Variants in AKAP6 observed in about 807,000 individuals in gnomAD.
AKAP6 encodes A-kinase anchor protein 6.
AKAP6 carries 58 observed loss-of-function variants against 188.5 expected under a neutral mutation model. That is an observed-to-expected ratio of 0.31 (90% CI 0.25 to 0.38). The LOEUF is 0.38. Ranked by LOEUF, AKAP6 falls within the 10% of genes least tolerant of loss-of-function variation. The pLI is 1.00. For missense variants in AKAP6, 2,710 were observed against 2,740.0 expected, an observed-to-expected ratio of 0.99 and a Z score of 0.24; for synonymous variants, 989 against 998.6, an observed-to-expected ratio of 0.99 and a Z score of 0.18.
At chr14:32,685,410 T>C (rs1449895686) in intron 8 of AKAP6, among the ~76,000 whole-genome samples, 2 of 152,044 alleles carry the variant, frequency 1.3e-5, no homozygotes, top group South Asian at 2.1e-4. Flanking sequence ...TCTTAAAGGA[T>C]GCATAGATTT....
chr14:32,747,622 G>A (rs776613365), intron 11 of AKAP6, among the ~76,000 whole-genome samples: 1 of 152,084 alleles, frequency 6.6e-6, no homozygotes, highest in Non-Finnish European at 1.5e-5. Context: ...TTAAATAATT[G>A]GATACAGTTC....
intron 11 of AKAP6, among the ~76,000 whole-genome samples, chr14:32,769,131 T>C (rs759054395): frequency 7.7e-6 from 1 of 130,064 alleles, no homozygotes; most frequent in Non-Finnish European, 1.6e-5. Context: ...CACTGCAACC[T>C]CCACCTCCTG....
intron 11 of AKAP6, among the ~76,000 whole-genome samples, chr14:32,751,920 T>C (rs1199514472): frequency 6.6e-6 from 1 of 152,226 alleles, no homozygotes; most frequent in Non-Finnish European, 1.5e-5. Context: ...TTTCAAGACA[T>C]GAATTGTTTT....
intron 2 of AKAP6, among the ~76,000 whole-genome samples, chr14:32,444,001 G>C (rs1890677063): frequency 6.6e-6 from 1 of 152,162 alleles, no homozygotes; most frequent in Non-Finnish European, 1.5e-5. Flanking sequence ...GCCAAGGCAT[G>C]ATGGGAGGTA....
intron 2 of AKAP6, among the ~76,000 whole-genome samples, chr14:32,446,910 AT>A (rs1566507520): frequency 6.6e-6 from 1 of 152,116 alleles, no homozygotes; most frequent in East Asian, 1.9e-4. Context: ...TCACACTTAA[AT>A]TATTTGTTTG....
At chr14:32,617,488 A>G (rs1415829963) in intron 7 of AKAP6, among the ~76,000 whole-genome samples, 1 of 152,058 alleles carries the variant, frequency 6.6e-6, no homozygotes, top group Admixed American at 6.5e-5. Flanking sequence ...GTGGGGAACC[A>G]TTTCCTGTTC....
chr14:32,510,421 T>TGTATATATATACAC (rs1881152631), intron 2 of AKAP6, among the ~76,000 whole-genome samples: 1 of 98,566 alleles, frequency 1.0e-5, no homozygotes, highest in Non-Finnish European at 2.1e-5. Flanking sequence ...TATGTATATA[T>TGTATATATATACAC]ATACATATAT....
intron 11 of AKAP6, among the ~76,000 whole-genome samples, 185 bp downstream of exon 11, chr14:32,736,067 G>C (rs1465585361): frequency 1.3e-5 from 2 of 152,098 alleles, no homozygotes; most frequent in Non-Finnish European, 2.9e-5. Context: ...TGAACATTAA[G>C]CATATCACAT....
intron 3 of AKAP6, among the ~76,000 whole-genome samples, chr14:32,538,253 T>C (rs1882773682): frequency 6.6e-6 from 1 of 152,158 alleles, no homozygotes; most frequent in Non-Finnish European, 1.5e-5. Context: ...AGGAAGATAA[T>C]TAGGATAAAA....
At chr14:32,483,679 T>A (rs1032290454) in intron 2 of AKAP6, among the ~76,000 whole-genome samples, 2 of 152,024 alleles carry the variant, frequency 1.3e-5, no homozygotes, top group African/African-American at 2.4e-5. Context: ...AGACGGGGTT[T>A]CTCCATGTTG....
Position 32,836,357 on chromosome 14 carries a change from T to C in AKAP6, c.*6552T>C, listed in dbSNP as rs114427970. On this transcript the variant is annotated 3_prime_UTR_variant, in exon 14 of 14. Coordinates refer to ENST00000280979, the MANE Select transcript of AKAP6 (RefSeq NM_004274.5). ...TGGAAGGGGCAGTGAACAAGCTCCC[T>C]TGGGCCCCTTTTACGAAAGCACTAA... 3.3e-3 allele frequency: 504 copies of C among 152,288 alleles called. 3 individuals are homozygous for C. Among genetic ancestry groups the C allele is most frequent in the African/African-American group, 0.011 (472 of 41,538 alleles). The allele number at this position is 152,288 out of a possible 1,614,324, so 9.4% of individuals were successfully genotyped here.
chr14:32,460,572 C>T (rs1054877059), intron 2 of AKAP6, among the ~76,000 whole-genome samples: 5 of 152,226 alleles, frequency 3.3e-5, no homozygotes, highest in Non-Finnish European at 7.3e-5. Flanking sequence ...TGTTTGTAAT[C>T]TGCAGATCAG....
intron 7 of AKAP6, among the ~76,000 whole-genome samples, chr14:32,646,098 T>C (rs1038008480): frequency 6.6e-6 from 1 of 152,100 alleles, no homozygotes; most frequent in African/African-American, 2.4e-5. Flanking sequence ...GATAGATTTG[T>C]TAAAGTCATA....
chr14:32,662,886 A>C (rs1888762790), intron 7 of AKAP6, among the ~76,000 whole-genome samples: 1 of 152,026 alleles, frequency 6.6e-6, no homozygotes, highest in Non-Finnish European at 1.5e-5. Context: ...CCACATTTTT[A>C]CTTGGCATTT....
intron 1 of AKAP6, chr14:32,384,994 C>T (rs965341311): frequency 2.0e-5 from 3 of 151,940 alleles, no homozygotes; most frequent in Non-Finnish European, 4.4e-5. Context: ...ATGCTTTGAT[C>T]TGCTTGGCAT....
chr14:32,600,432 T>G (rs1885877862), intron 6 of AKAP6, among the ~76,000 whole-genome samples, 197 bp from the exon 7 acceptor site: 1 of 152,216 alleles, frequency 6.6e-6, no homozygotes, highest in African/African-American at 2.4e-5. Flanking sequence ...GGTTATCACA[T>G]TTTTGTGTCC....
At chr14:32,511,717 G>A (rs117776172) in intron 2 of AKAP6, among the ~76,000 whole-genome samples, 11 of 151,952 alleles carry the variant, frequency 7.2e-5, no homozygotes, top group South Asian at 4.2e-4. Flanking sequence ...CTTTTTGTTC[G>A]GCCGTCTACT....
chr14:32,558,384 C>G (rs1038669009), intron 4 of AKAP6, among the ~76,000 whole-genome samples: 2 of 152,112 alleles, frequency 1.3e-5, no homozygotes, highest in Middle Eastern at 3.4e-3. Context: ...TGGTAAGTGC[C>G]AAGGGAAAAT....
intron 11 of AKAP6, among the ~76,000 whole-genome samples, chr14:32,751,053 A>G (rs1032209869): frequency 4.0e-5 from 6 of 151,778 alleles, no homozygotes; most frequent in Non-Finnish European, 7.4e-5. Flanking sequence ...TTTATACTGC[A>G]CTCTAGCCTG....
Sources: allele counts gnomAD v4.1 joint callset (sites outside exome capture counted in the v4.1 genomes callset), GRCh38; gene constraint gnomAD v4.1.1; transcripts MANE v1.5; gene names NCBI Gene and HGNC (gene_info 2026-07-23, HGNC 2026-07-21).